The following DOCK10 variants were observed in gnomAD, a reference collection of about 807,000 sequenced individuals.
DOCK10 encodes the protein dedicator of cytokinesis 10, also known as dedicator of cytokinesis protein 10.
DOCK10 carries 145 observed loss-of-function variants against 280.1 expected under a neutral mutation model. The observed-to-expected ratio is 0.52, with a 90% CI of 0.45 to 0.59. The LOEUF (loss-of-function observed/expected upper bound fraction) is 0.59, where lower values mean the gene tolerates loss of function less well. Ranked by LOEUF, DOCK10 falls within the 20% of genes least tolerant of loss-of-function variation. The pLI, the probability that DOCK10 is intolerant of heterozygous loss-of-function variation, is 0.00. For missense variants in DOCK10, 2,368 were observed against 2,651.7 expected (o/e 0.89, Z 2.35); for synonymous variants, 915 against 942.2 (o/e 0.97, Z 0.53).
At chr2:224,854,169 C>A (rs1276343186) in intron 16 of DOCK10, among the ~76,000 whole-genome samples, 1 of 151,738 alleles carries the variant, frequency 6.6e-6, no homozygotes, top group African/African-American at 2.4e-5. Context: ...TCCAAATATC[C>A]CATGGCAATA....
chr2:224,849,636 T>C (rs1351148396), intron 18 of DOCK10, 37 bp from the exon 19 acceptor site: 2 of 1,398,338 alleles, frequency 1.4e-6, no homozygotes, highest in Non-Finnish European at 2.0e-6. Context: ...ATTATGAGTG[T>C]CTGAAATTAT....
intron 1 of DOCK10, among the ~76,000 whole-genome samples, chr2:224,932,905 T>A (rs907657302): frequency 5.3e-5 from 8 of 151,940 alleles, no homozygotes; most frequent in Non-Finnish European, 1.2e-4. Flanking sequence ...ATTTTCCAAA[T>A]ATAAAAAATA....
intron 38 of DOCK10, 71 bp from the exon 39 acceptor site, chr2:224,804,284 G>A: frequency 1.2e-6 from 1 of 830,520 alleles, no homozygotes; most frequent in Middle Eastern, 2.3e-4. Flanking sequence ...AATGGCAACT[G>A]ACAAAACGAT....
intron 11 of DOCK10, among the ~76,000 whole-genome samples, chr2:224,868,739 C>T (rs1698081565): frequency 6.6e-6 from 1 of 151,886 alleles, no homozygotes; most frequent in Non-Finnish European, 1.5e-5. Flanking sequence ...AAATATAAAG[C>T]AATTACAAAG....
Position 224,816,719 on chromosome 2 carries a change from A to G in DOCK10, c.3268-6T>C. ...AATTTATACTGGCACAAGGTCTGAAAGAGAGGCAAACTAAATGACTATGAC... is the reference window on the plus strand; with the variant it reads ...AATTTATACTGGCACAAGGTCTGAAGGAGAGGCAAACTAAATGACTATGAC... On this transcript the variant is annotated splice_polypyrimidine_tract_variant and splice_region_variant and intron_variant, in intron 29 of 55. Transcript: ENST00000258390. 2 of 1,519,654 alleles carry G rather than the reference A, an allele frequency of 1.3e-6. No individual in the cohort carries two copies. The highest frequency in any genetic ancestry group is 1.4e-5 in the African/African-American group (1 of 73,124). The allele number at this position is 1,519,654 out of a possible 1,614,324, so 94.1% of individuals were successfully genotyped here. A position where few individuals can be genotyped will look rare whatever the true frequency, so the allele number is the denominator to read the frequency against.
At chr2:225,001,403 C>A (rs1008959915) in intron 1 of DOCK10, among the ~76,000 whole-genome samples, 1 of 151,054 alleles carries the variant, frequency 6.6e-6, no homozygotes, top group East Asian at 1.9e-4. Flanking sequence ...CATTCTCCTG[C>A]CTCAGCCTCC....
At chr2:224,950,702 C>T (rs1197949259) in intron 1 of DOCK10, among the ~76,000 whole-genome samples, 2 of 152,142 alleles carry the variant, frequency 1.3e-5, no homozygotes, top group Non-Finnish European at 2.9e-5. Flanking sequence ...GAAAGTCCAG[C>T]TGTTATATGT....
chr2:224,976,672 C>G lies in DOCK10; in HGVS notation c.124-45004G>C, dbSNP rs192075862. On this transcript the variant is annotated intron_variant, in intron 1 of 55. Transcript: ENST00000258390. ...ATAACAGAAAATACGCTGTAGAGGT[C>G]AAAGTTAATTAAAAAAAAAAAAAAA... is the stretch of plus-strand genomic sequence containing the variant. 2.7e-3 allele frequency among the ~76,000 whole-genome samples: 334 copies of G among 121,910 alleles called. 11 individuals are homozygous for G. The highest frequency in any genetic ancestry group is 0.023 in the Admixed American group (268 of 11,894). The allele number at this position is 121,910 out of a possible 152,430, so 80.0% of individuals were successfully genotyped here. A position where few individuals can be genotyped will look rare whatever the true frequency, so the allele number is the denominator to read the frequency against.
chr2:225,014,068 G>A (rs1332553086), intron 1 of DOCK10, among the ~76,000 whole-genome samples: 3 of 129,132 alleles, frequency 2.3e-5, no homozygotes, highest in Non-Finnish European at 4.9e-5. Context: ...AAAATCCCCA[G>A]AAGTCTGAAT....
intron 1 of DOCK10, among the ~76,000 whole-genome samples, chr2:224,975,793 G>A (rs1236245712): frequency 6.6e-6 from 1 of 152,142 alleles, no homozygotes; most frequent in African/African-American, 2.4e-5. Context: ...GGTTCTCAAA[G>A]TACTTGAGCA....
chr2:224,816,558 C>T (rs934517662), intron 30 of DOCK10, 59 bp downstream of exon 30: 20 of 1,037,338 alleles, frequency 1.9e-5, no homozygotes, highest in Middle Eastern at 2.0e-4. Context: ...AAAGGTAAAA[C>T]GAACAAACAA....
chr2:224,784,842 T>C (rs1691626783), intron 50 of DOCK10: 2 of 1,100,432 alleles, frequency 1.8e-6, no homozygotes, highest in Admixed American at 2.3e-5. Flanking sequence ...AGAGCCCATA[T>C]CTCATATATT....
At chr2:224,838,219 AAATT>A (rs1695719060) in intron 24 of DOCK10, among the ~76,000 whole-genome samples, 1 of 152,210 alleles carries the variant, frequency 6.6e-6, no homozygotes, top group Admixed American at 6.5e-5. Flanking sequence ...TTTTAATTTC[AAATT>A]AATAATCATA....
intron 4 of DOCK10, among the ~76,000 whole-genome samples, chr2:224,892,123 G>A (rs535264259): frequency 1.2e-4 from 19 of 152,180 alleles, no homozygotes; most frequent in Admixed American, 3.9e-4. Flanking sequence ...AAGGCTGGGT[G>A]TAGCAGCTCA....
intron 1 of DOCK10, chr2:224,946,764 A>T: frequency 2.8e-6 from 3 of 1,058,938 alleles, no homozygotes; most frequent in Non-Finnish European, 4.0e-6. Context: ...CCTCTGCTAG[A>T]ATACCACTGT....
At chr2:224,930,616 C>A (rs1209142611) in intron 2 of DOCK10, among the ~76,000 whole-genome samples, 6 of 151,640 alleles carry the variant, frequency 4.0e-5, no homozygotes, top group Non-Finnish European at 7.4e-5. Flanking sequence ...GACCTGCCCT[C>A]AAAGTAAGAG....
rs1237388255 is a variant in DOCK10 at position 224,874,037 on chromosome 2, G to T, written c.1216C>A (p.Gln406Lys). 6.2e-7 allele frequency: 1 copy of T among 1,613,288 alleles called. No individual in the cohort carries two copies. The highest frequency in any genetic ancestry group is 8.5e-7 in the Non-Finnish European group (1 of 1,179,746). The change falls in exon 11 of 56, where the codon CAG becomes AAG. Residue 406 changes from glutamine (Q) to lysine (K), a missense_variant. Physicochemically the swap from Gln to Lys is moderately conservative, Grantham distance 53. Transcript: ENST00000258390. The part of the protein sequence containing the change: ...IICKALNSNL[Q>K]GCVTENENDP... ...TTTTCATTCTCCGTAACACATCCCTGAAGATTTGAGTTGAGGGCTTTACAG... is the reference window on the plus strand; with the variant it reads ...TTTTCATTCTCCGTAACACATCCCTTAAGATTTGAGTTGAGGGCTTTACAG...
In DOCK10 at chr2:224,789,170, C is replaced by T. The variant is rs376600449; in HGVS notation, c.5312G>A (p.Ser1771Asn). 6.8e-5 allele frequency: 109 copies of T among 1,601,228 alleles called. No individual in the cohort carries two copies. Among genetic ancestry groups the T allele is most frequent in the Admixed American group, 1.5e-4 (9 of 59,830 alleles). Residue 1771 changes from serine to asparagine, a missense_variant and splice_region_variant, in exon 48 of 56, where the codon AGC becomes AAC. This residue lies in a region of DOCK10 where 1,159 missense variants were observed against 1,400.8 expected (regional missense o/e 0.83). Transcript: ENST00000258390. ...NSLLTTPSGG[S>N]MFSMGWPAFL... is the part of the protein sequence containing the mutation. ...AGCTGGCCATCCCATAGAGAACATGCCTTGGGAGGACCAAGCAGAATAAAA... is the reference window on the plus strand; with the variant it reads ...AGCTGGCCATCCCATAGAGAACATGTCTTGGGAGGACCAAGCAGAATAAAA...
chr2:224,779,862 A>G (rs1470828476), intron 50 of DOCK10, among the ~76,000 whole-genome samples: 2 of 152,154 alleles, frequency 1.3e-5, no homozygotes, highest in Non-Finnish European at 1.5e-5. Flanking sequence ...CTTGGCAATC[A>G]GGTAATCACC....
Sources: gnomAD v4.1 joint callset for allele counts (sites outside exome capture counted in the v4.1 genomes callset) on GRCh38, gnomAD v4.1.1 for gene constraint, gnomAD v4.1.1 regional missense constraint, MANE v1.5 for transcripts, NCBI Gene and HGNC (gene_info 2026-07-23, HGNC 2026-07-21) for gene names.